RYR2: variants seen among roughly 807,000 people sequenced by gnomAD.
RYR2 encodes the protein ryanodine receptor 2.
RYR2 carries 227 observed loss-of-function variants against 601.1 expected under a neutral mutation model. The ratio of observed to expected loss-of-function variants is 0.38; its 90% CI spans 0.34 to 0.42. The LOEUF is 0.42. RYR2 is among the 10% of genes least tolerant of loss of function. The pLI, the probability that RYR2 is intolerant of heterozygous loss-of-function variation, is 1.00. For missense variants in RYR2, 4,646 were observed against 6,156.5 expected, an observed-to-expected ratio of 0.75 and a Z score of 8.21; for synonymous variants, 2,223 against 2,175.1, an observed-to-expected ratio of 1.02 and a Z score of -0.61.
chr1:237,092,104 C>G (rs1204148885), intron 1 of RYR2, among the ~76,000 whole-genome samples: 1 of 152,128 alleles, frequency 6.6e-6, no homozygotes, highest in African/African-American at 2.4e-5. Context: ...ACTAGAGCAC[C>G]TTTATAATAC....
intron 44 of RYR2, among the ~76,000 whole-genome samples, chr1:237,637,421 C>A (rs1364572249): frequency 6.6e-6 from 1 of 152,050 alleles, no homozygotes; most frequent in Admixed American, 6.5e-5. Flanking sequence ...AAAGGCCAGG[C>A]AAAAATATGT....
intron 1 of RYR2, among the ~76,000 whole-genome samples, chr1:237,189,065 G>A (rs1679680929): frequency 6.6e-6 from 1 of 151,972 alleles, no homozygotes; most frequent in African/African-American, 2.4e-5. Flanking sequence ...CCTCCTCCCA[G>A]CCCTTGACAA....
chr1:237,160,852 A>G (rs892672213), intron 1 of RYR2, among the ~76,000 whole-genome samples: 4 of 152,156 alleles, frequency 2.6e-5, no homozygotes, highest in Admixed American at 2.6e-4. Flanking sequence ...ACTCTAAATC[A>G]TTATAATTTA....
Position 237,791,462 on chromosome 1 carries a change from A to ATGT in RYR2, c.13512_13514dup (p.Leu4505dup). On this transcript the variant is annotated inframe_insertion, in exon 93 of 105. Coordinates refer to ENST00000366574, the MANE Select transcript of RYR2 (RefSeq NM_001035.3). ...TGCTCGCAACTTTTACAACATGAGA[A>ATGT]TGTTAGCCTTATTTGTCGCATTTGC... 1 of 1,579,774 alleles carries ATGT rather than the reference A, an allele frequency of 6.3e-7. No homozygotes were observed. Among genetic ancestry groups the ATGT allele is most frequent in the Non-Finnish European group, 8.6e-7 (1 of 1,159,358 alleles).
chr1:237,494,680 G>C (rs1364882162), intron 19 of RYR2, among the ~76,000 whole-genome samples: 5 of 152,188 alleles, frequency 3.3e-5, no homozygotes, highest in African/African-American at 1.2e-4. Context: ...TCAACAAAAC[G>C]CTGTGTGTGA....
intron 2 of RYR2, among the ~76,000 whole-genome samples, chr1:237,271,027 C>A (rs1204798937): frequency 2.0e-5 from 3 of 152,100 alleles, no homozygotes; most frequent in Non-Finnish European, 4.4e-5. Context: ...AACTCTAAAT[C>A]CCAGTTCATG....
chr1:237,530,416 TTG>T lies in RYR2; in HGVS notation c.2823-9_2823-8del. On this transcript the variant is annotated splice_polypyrimidine_tract_variant and intron_variant, in intron 24 of 104. Transcript: ENST00000366574. ...GAAATGATCACACTTATCTCTGGTT[TTG>T]TTTTCCAGGACTTTGTTGGCATTAG... 1 of 1,595,720 alleles carries T rather than the reference TTG, an allele frequency of 6.3e-7. No homozygotes were observed. Among genetic ancestry groups the T allele is most frequent in the Non-Finnish European group, 8.6e-7 (1 of 1,168,830 alleles).
intron 25 of RYR2, among the ~76,000 whole-genome samples, chr1:237,544,590 G>A (rs1485157693): frequency 6.6e-6 from 1 of 151,998 alleles, no homozygotes; most frequent in Non-Finnish European, 1.5e-5. Context: ...AATTACATTT[G>A]ATTCAAAGGC....
intron 12 of RYR2, among the ~76,000 whole-genome samples, chr1:237,426,146 T>G (rs888024906): frequency 1.3e-5 from 2 of 152,126 alleles, no homozygotes; most frequent in African/African-American, 4.8e-5. Flanking sequence ...GTATCCTGAA[T>G]GAACATTCCC....
chr1:237,562,574 G>T (rs1649848503), intron 27 of RYR2, among the ~76,000 whole-genome samples: 1 of 152,120 alleles, frequency 6.6e-6, no homozygotes, highest in African/African-American at 2.4e-5. Context: ...TCTTGAGGTA[G>T]TTCATTAATA....
chr1:237,661,378 A>G (rs1016054963), intron 56 of RYR2, among the ~76,000 whole-genome samples: 1 of 152,116 alleles, frequency 6.6e-6, no homozygotes, highest in East Asian at 1.9e-4. Context: ...GATAGCATTA[A>G]GAGAAATACC....
At chr1:237,300,987 A>G (rs1438918306) in intron 2 of RYR2, among the ~76,000 whole-genome samples, 1 of 152,090 alleles carries the variant, frequency 6.6e-6, no homozygotes, top group Non-Finnish European at 1.5e-5. Context: ...GATGTTTGTG[A>G]AATCGAATTG....
intron 1 of RYR2, among the ~76,000 whole-genome samples, chr1:237,147,495 C>T (rs1419068819): frequency 1.3e-5 from 2 of 152,144 alleles, no homozygotes; most frequent in Non-Finnish European, 1.5e-5. Flanking sequence ...TCACAATTCA[C>T]GTTCCTTCTG....
intron 1 of RYR2, among the ~76,000 whole-genome samples, chr1:237,268,806 G>C (rs1689339691): frequency 6.6e-6 from 1 of 150,622 alleles, no homozygotes; most frequent in African/African-American, 2.4e-5. Context: ...TGTGGTGGTG[G>C]GTGCCTGTAA....
chr1:237,128,403 G>A (rs375910257), intron 1 of RYR2, among the ~76,000 whole-genome samples: 3 of 152,186 alleles, frequency 2.0e-5, no homozygotes, highest in Admixed American at 6.5e-5. Context: ...GAGGGAGAGG[G>A]AGAGGGAGAG....
At chr1:237,169,549 G>A (rs958250680) in intron 1 of RYR2, among the ~76,000 whole-genome samples, 5 of 151,538 alleles carry the variant, frequency 3.3e-5, no homozygotes, top group African/African-American at 1.2e-4. Flanking sequence ...CCATCACCTC[G>A]ACCTCCCAAA....
At chr1:237,540,421 A>G (rs746867633) in intron 25 of RYR2, among the ~76,000 whole-genome samples, 21 of 152,020 alleles carry the variant, frequency 1.4e-4, no homozygotes, top group Non-Finnish European at 2.6e-4. Context: ...TTAAAAGCCT[A>G]TTAGGGCTGA....
chr1:237,684,978 T>C (rs1033206351), intron 62 of RYR2, among the ~76,000 whole-genome samples: 1 of 151,678 alleles, frequency 6.6e-6, no homozygotes, highest in African/African-American at 2.4e-5. Context: ...AGGTAAGAGT[T>C]TCACGATTTA....
At chr1:237,831,434 A>G (rs1663776880) in intron 103 of RYR2, 80 bp from the exon 104 acceptor site, 1 of 804,484 alleles carries the variant, frequency 1.2e-6, no homozygotes, top group South Asian at 1.6e-5. Flanking sequence ...GATTGCAACC[A>G]TACAATTTAT....
Sources: allele counts gnomAD v4.1 joint callset (sites outside exome capture counted in the v4.1 genomes callset), GRCh38; gene constraint gnomAD v4.1.1; transcripts MANE v1.5; gene names NCBI Gene and HGNC (gene_info 2026-07-23, HGNC 2026-07-21).